Variants in ANKFY1 observed in about 807,000 individuals in gnomAD.
The protein encoded by ANKFY1 is ankyrin repeat and FYVE domain-containing protein 1.
A neutral mutation model predicts 128.3 loss-of-function variants in ANKFY1; 47 were observed. The observed-to-expected ratio is 0.37, with a 90% confidence interval of 0.29 to 0.47. ANKFY1 has a LOEUF of 0.47. ANKFY1 is among the 20% of genes least tolerant of loss of function. ANKFY1 has a pLI of 1.00. For synonymous variants in ANKFY1, 553 were observed against 601.6 expected (o/e 0.92, Z 1.18); for missense variants, 1,222 against 1,510.6 (o/e 0.81, Z 3.17).
chr17:4,226,041 C>A (rs1282667765), intron 3 of ANKFY1, among the ~76,000 whole-genome samples: 1 of 152,010 alleles, frequency 6.6e-6, no homozygotes, highest in Non-Finnish European at 1.5e-5. Flanking sequence ...GGATTACAGG[C>A]GTGAGCCACT....
intron 1 of ANKFY1, among the ~76,000 whole-genome samples, chr17:4,256,680 A>G (rs1222634092): frequency 5.9e-5 from 9 of 152,142 alleles, no homozygotes; most frequent in Admixed American, 5.9e-4. Context: ...CTAGAAAGCA[A>G]CATGCATGCT....
intron 3 of ANKFY1, chr17:4,222,756 ATAT>A: frequency 1.0e-6 from 1 of 981,374 alleles, no homozygotes; most frequent in Admixed American, 1.7e-5. Context: ...CGTAGCAATA[ATAT>A]TAGCTGTTTT....
intron 1 of ANKFY1, 113 bp downstream of exon 1, chr17:4,263,819 G>A (rs1968558596): frequency 1.2e-6 from 2 of 1,608,374 alleles, no homozygotes; most frequent in Non-Finnish European, 1.7e-6. Context: ...CGCGAGACCC[G>A]CGGAGCCCCC....
chr17:4,261,113 T>C (rs973205084), intron 1 of ANKFY1, among the ~76,000 whole-genome samples: 1 of 152,232 alleles, frequency 6.6e-6, no homozygotes, highest in Non-Finnish European at 1.5e-5. Context: ...TGACCCAGAA[T>C]GCCTCCTAGT....
At chr17:4,199,501 T>C (rs1276437817) in intron 7 of ANKFY1, among the ~76,000 whole-genome samples, 1 of 152,228 alleles carries the variant, frequency 6.6e-6, no homozygotes, top group Non-Finnish European at 1.5e-5. Context: ...CAAAATTCAT[T>C]AATTTTAATA....
At chr17:4,227,828 C>T (rs2060449849) in intron 3 of ANKFY1, among the ~76,000 whole-genome samples, 1 of 152,144 alleles carries the variant, frequency 6.6e-6, no homozygotes, top group South Asian at 2.1e-4. Flanking sequence ...ATTAGAATGG[C>T]TAAAATTGTA....
intron 1 of ANKFY1, among the ~76,000 whole-genome samples, chr17:4,261,559 T>G (rs994530837): frequency 2.6e-5 from 4 of 152,202 alleles, no homozygotes; most frequent in Admixed American, 2.0e-4. Context: ...CCCTGCTAAT[T>G]TAACCCTGAA....
At chr17:4,214,988 T>C (rs1333174105) in intron 4 of ANKFY1, among the ~76,000 whole-genome samples, 1 of 152,198 alleles carries the variant, frequency 6.6e-6, no homozygotes, top group African/African-American at 2.4e-5. Context: ...TATACATTAA[T>C]TATCTCTTTA....
At chr17:4,240,663 A>G (rs1967161196) in intron 2 of ANKFY1, among the ~76,000 whole-genome samples, 1 of 152,214 alleles carries the variant, frequency 6.6e-6, no homozygotes, top group East Asian at 1.9e-4. Flanking sequence ...AACTGCTGGG[A>G]TTACAGGCAT....
chr17:4,168,149 TTG>T lies in ANKFY1; in HGVS notation c.3378-240_3378-239del. ...CTGAAGAAGGCTTTTTTTTTTTTTTTTGGAAGATCAAGAGCAGCTCAGGCCAG... is the reference window on the plus strand; with the variant it reads ...CTGAAGAAGGCTTTTTTTTTTTTTTTGAAGATCAAGAGCAGCTCAGGCCAG... On this transcript the variant is annotated intron_variant, in intron 24 of 24. Transcript: ENST00000341657. 7 of 402,832 alleles carry T rather than the reference TTG, an allele frequency of 1.7e-5. No homozygotes were observed. In the South Asian group the frequency reaches 2.9e-4, roughly 16 times the overall value. 25.0% of individuals were successfully genotyped at this position (402,832 alleles called of 1,614,324 possible). A position where few individuals can be genotyped will look rare whatever the true frequency, so the allele number is the denominator to read the frequency against.
intron 3 of ANKFY1, chr17:4,222,325 C>T (rs1381114988): frequency 1.4e-6 from 1 of 739,878 alleles, no homozygotes; most frequent in Non-Finnish European, 2.5e-6. Flanking sequence ...TGATGCAGAA[C>T]TTTATTATGT....
chr17:4,228,849 G>A (rs79958864), intron 3 of ANKFY1, among the ~76,000 whole-genome samples: 3,005 of 152,260 alleles, frequency 0.02, 106 homozygotes, highest in African/African-American at 0.069. Flanking sequence ...GGAGGAAAAA[G>A]AAACCAAACT....
Position 4,178,684 on chromosome 17 carries a change from G to A in ANKFY1, c.2598+173C>T. ...CGCTGACACACAGGCAGAGGAGCCGGATCTCATCCTGCACGGATGGGACAT... is the reference window on the plus strand; with the variant it reads ...CGCTGACACACAGGCAGAGGAGCCGAATCTCATCCTGCACGGATGGGACAT... On this transcript the variant is annotated intron_variant, in intron 18 of 24. Transcript: ENST00000341657. The surrounding 1 kb of genome is among the most constrained non-coding windows in gnomAD (Gnocchi z 4.1). 1.5e-6 allele frequency: 1 copy of A among 669,794 alleles called. No homozygotes were observed. The highest frequency in any genetic ancestry group is 2.6e-6 in the Non-Finnish European group (1 of 392,056). 41.5% of individuals were successfully genotyped at this position (669,794 alleles called of 1,614,324 possible).
At chr17:4,225,772 A>AT (rs541562070) in intron 3 of ANKFY1, among the ~76,000 whole-genome samples, 2 of 151,146 alleles carry the variant, frequency 1.3e-5, no homozygotes, top group Non-Finnish European at 3.0e-5. Context: ...TATTTATATA[A>AT]TTTTTTTTTG....
At chr17:4,254,994 CATG>C (rs1351151129) in intron 1 of ANKFY1, among the ~76,000 whole-genome samples, 1 of 152,052 alleles carries the variant, frequency 6.6e-6, no homozygotes, top group Non-Finnish European at 1.5e-5. Context: ...CCATTAACAC[CATG>C]ATGCCAGATT....
chr17:4,214,108 T>G (rs537534573), intron 4 of ANKFY1, among the ~76,000 whole-genome samples: 4 of 152,324 alleles, frequency 2.6e-5, no homozygotes, highest in African/African-American at 9.6e-5. Flanking sequence ...CAGTATGATC[T>G]CAGGAAGTAA....
intron 11 of ANKFY1, among the ~76,000 whole-genome samples, chr17:4,185,495 G>A (rs1012327936): frequency 9.9e-5 from 15 of 151,842 alleles, no homozygotes; most frequent in Middle Eastern, 3.4e-3. Context: ...GAGCCACCAC[G>A]CCCGGCCCAT....
intron 8 of ANKFY1, among the ~76,000 whole-genome samples, chr17:4,196,934 A>C (rs1237401889): frequency 6.6e-6 from 1 of 152,208 alleles, no homozygotes; most frequent in African/African-American, 2.4e-5. Context: ...AGCCTGGACA[A>C]CATGGCAAAA....
chr17:4,184,842 C>T lies in ANKFY1; in HGVS notation c.1675G>A (p.Val559Met). Residue 559 changes from valine to methionine, a missense_variant, in exon 12 of 25, where the codon GTG becomes ATG. Val to Met is a conservative substitution (Grantham distance 21). Transcript: ENST00000341657. ...MAIAYNHPDVVSVILEQKANA... is the reference protein window; with the variant it reads ...MAIAYNHPDVMSVILEQKANA... ...CCTTTCTGCTCCAGGATGACAGACACCACATCCGGATGGTTATAGGCGATC... is the reference window on the plus strand; with the variant it reads ...CCTTTCTGCTCCAGGATGACAGACATCACATCCGGATGGTTATAGGCGATC... The T allele has an allele frequency of 6.8e-6, 11 of 1,613,656 alleles. No individual in the cohort carries two copies. Among genetic ancestry groups the T allele is most frequent in the Non-Finnish European group, 9.3e-6 (11 of 1,180,034 alleles).
Sources: gnomAD v4.1 joint callset for allele counts (sites outside exome capture counted in the v4.1 genomes callset) on GRCh38, gnomAD v4.1.1 for gene constraint, Gnocchi (gnomAD v3.1) non-coding constraint, MANE v1.5 for transcripts, NCBI Gene and HGNC (gene_info 2026-07-23, HGNC 2026-07-21) for gene names.